The following LRRC28 variants were observed in gnomAD, a reference collection of about 807,000 sequenced individuals.
The protein encoded by LRRC28 is leucine rich repeat containing 28.
Under a neutral mutation model 45.7 loss-of-function variants are expected in LRRC28, and 39 were observed. The ratio of observed to expected loss-of-function variants is 0.85; its 90% CI spans 0.66 to 1.12. The LOEUF (loss-of-function observed/expected upper bound fraction) is 1.12. LRRC28 is among the 50% of genes most tolerant of loss of function. LRRC28 has a pLI of 0.00. For synonymous variants in LRRC28, 206 were observed against 178.8 expected, an observed-to-expected ratio of 1.15 and a Z score of -1.22; for missense variants, 435 against 438.5, an observed-to-expected ratio of 0.99 and a Z score of 0.07.
At chr15:99,371,379 G>A (rs1841187696) in intron 9 of LRRC28, among the ~76,000 whole-genome samples, 1 of 152,156 alleles carries the variant, frequency 6.6e-6, no homozygotes, top group African/African-American at 2.4e-5. Context: ...AGTGCCACAT[G>A]TCTGAGTGAT....
intron 8 of LRRC28, 124 bp from the exon 9 acceptor site, chr15:99,362,982 C>A: frequency 9.3e-7 from 1 of 1,076,260 alleles, no homozygotes; most frequent in Non-Finnish European, 1.3e-6. Flanking sequence ...AATCAGATAA[C>A]AGAATTTTCA....
At chr15:99,334,186 T>C in intron 6 of LRRC28, 57 bp downstream of exon 6, 3 of 1,584,772 alleles carry the variant, frequency 1.9e-6, no homozygotes, top group Non-Finnish European at 2.6e-6. Context: ...AGCCTTTGTT[T>C]CTTTGACTAG....
At chr15:99,343,890 C>T (rs1956598778) in intron 6 of LRRC28, among the ~76,000 whole-genome samples, 1 of 152,090 alleles carries the variant, frequency 6.6e-6, no homozygotes, top group Admixed American at 6.6e-5. Flanking sequence ...TTACGAATGC[C>T]ATTCCATTGT....
chr15:99,259,472 A>G, intron 2 of LRRC28: 1 of 1,166,722 alleles, frequency 8.6e-7, no homozygotes, highest in Middle Eastern at 1.9e-4. Flanking sequence ...GCCTCTGCCC[A>G]ATTGGGTGAA....
chr15:99,296,936 A>AT (rs1350613623), intron 5 of LRRC28, among the ~76,000 whole-genome samples: 1 of 152,198 alleles, frequency 6.6e-6, no homozygotes, highest in Non-Finnish European at 1.5e-5. Flanking sequence ...TGAAATACCC[A>AT]TTTTGACAAC....
intron 5 of LRRC28, among the ~76,000 whole-genome samples, chr15:99,304,073 G>A (rs535708142): frequency 4.8e-4 from 73 of 152,258 alleles, no homozygotes; most frequent in African/African-American, 1.6e-3. Flanking sequence ...CTGACCTGTG[G>A]GCCAAGTCTA....
At chr15:99,380,754 G>A (rs1466370369) in intron 9 of LRRC28, among the ~76,000 whole-genome samples, 2 of 152,274 alleles carry the variant, frequency 1.3e-5, no homozygotes, top group South Asian at 2.1e-4. Flanking sequence ...CTCAGCATTT[G>A]CTTGTCTGTA....
chr15:99,335,552 G>A (rs1461158799), intron 6 of LRRC28, among the ~76,000 whole-genome samples: 12 of 152,122 alleles, frequency 7.9e-5, no homozygotes, highest in Admixed American at 7.9e-4. Flanking sequence ...AGCTACCCAG[G>A]AGGCTGAAGT....
At chr15:99,253,126 T>TTA (rs1491196011) in intron 1 of LRRC28, among the ~76,000 whole-genome samples, 1 of 25,140 alleles carries the variant, frequency 4.0e-5, no homozygotes, top group Admixed American at 4.8e-4. Flanking sequence ...AGGGAAGTGA[T>TTA]TTTTTTTTTT....
intron 5 of LRRC28, among the ~76,000 whole-genome samples, chr15:99,314,169 G>A (rs1955510876): frequency 6.6e-6 from 1 of 152,124 alleles, no homozygotes; most frequent in African/African-American, 2.4e-5. Context: ...TATTGGCCAG[G>A]TGTCGTGGCT....
chr15:99,382,345 A>G (rs1465650503), intron 9 of LRRC28, among the ~76,000 whole-genome samples: 1 of 152,156 alleles, frequency 6.6e-6, no homozygotes, highest in Non-Finnish European at 1.5e-5. Context: ...ATGGGATATA[A>G]TCTTCTGGTG....
intron 6 of LRRC28, among the ~76,000 whole-genome samples, chr15:99,344,544 G>A (rs140620985): frequency 2.0e-3 from 307 of 152,274 alleles, no homozygotes; most frequent in South Asian, 2.1e-3. Context: ...CTATTTCATG[G>A]TGGGCATATA....
intron 9 of LRRC28, among the ~76,000 whole-genome samples, chr15:99,369,510 C>T (rs1032820769): frequency 7.9e-5 from 12 of 152,078 alleles, no homozygotes; most frequent in Non-Finnish European, 1.0e-4. Flanking sequence ...CTGAATTCTG[C>T]GGGGCACCAG....
chr15:99,387,309 C>G lies in LRRC28; in HGVS notation c.*1207C>G, dbSNP rs545793982. 9 of 152,106 alleles carry G rather than the reference C, an allele frequency of 5.9e-5. No homozygotes were observed. Among genetic ancestry groups the G allele is most frequent in the Non-Finnish European group, 1.3e-4 (9 of 68,032 alleles). The allele number at this position is 152,106 out of a possible 1,614,324, so 9.4% of individuals were successfully genotyped here. A position where few individuals can be genotyped will look rare whatever the true frequency, so the allele number is the denominator to read the frequency against. On this transcript the variant is annotated 3_prime_UTR_variant, in exon 10 of 10. Transcript: ENST00000301981. ...TCTCCTGACCTCGTGATCCGCACGC[C>G]TCGGCCTCCCAAAGTGCTGGGATTA...
rs755320280 is a variant in LRRC28, at chr15:99,387,939, C to G, written c.*1837C>G. The stretch of plus-strand genomic sequence containing the variant: ...CCTGCTGCCCGGAAAGCACACCGTC[C>G]ACGTAGAATGGAGAAGGCAGAAAGT... On this transcript the variant is annotated 3_prime_UTR_variant, in exon 10 of 10. Transcript: ENST00000301981. 3 of 152,134 alleles carry G rather than the reference C, an allele frequency of 2.0e-5. No individual in the cohort carries two copies. Among genetic ancestry groups the G allele is most frequent in the Non-Finnish European group, 4.4e-5 (3 of 68,028 alleles). 9.4% of individuals were successfully genotyped at this position (152,134 alleles called of 1,614,324 possible). A position where few individuals can be genotyped will look rare whatever the true frequency, so the allele number is the denominator to read the frequency against.
intron 5 of LRRC28, among the ~76,000 whole-genome samples, chr15:99,333,250 A>T (rs1956214478): frequency 6.6e-6 from 1 of 152,236 alleles, no homozygotes; most frequent in Admixed American, 6.5e-5. Flanking sequence ...TGTAGACATC[A>T]ATGATGAGGG....
intron 9 of LRRC28, among the ~76,000 whole-genome samples, chr15:99,380,649 C>G (rs1200737511): frequency 1.3e-5 from 2 of 152,118 alleles, no homozygotes; most frequent in Non-Finnish European, 2.9e-5. Flanking sequence ...TACAATTTGC[C>G]ATGTTTCTGC....
intron 3 of LRRC28, among the ~76,000 whole-genome samples, chr15:99,282,991 C>T (rs1037394771): frequency 3.9e-5 from 6 of 152,038 alleles, no homozygotes; most frequent in African/African-American, 1.4e-4. Flanking sequence ...CTCCTGGGTT[C>T]AAGAGATTCT....
intron 2 of LRRC28, among the ~76,000 whole-genome samples, chr15:99,257,259 A>G (rs1177847951): frequency 6.6e-6 from 1 of 152,230 alleles, no homozygotes; most frequent in Non-Finnish European, 1.5e-5. Context: ...TCAGTTTTCC[A>G]ACTTGGAAAA....
Sources: allele counts gnomAD v4.1 joint callset (sites outside exome capture counted in the v4.1 genomes callset), GRCh38; gene constraint gnomAD v4.1.1; transcripts MANE v1.5; gene names NCBI Gene and HGNC (gene_info 2026-07-23, HGNC 2026-07-21).